NIPA2: variants seen among roughly 807,000 people sequenced by gnomAD.
NIPA2 encodes magnesium transporter NIPA2.
In NIPA2, 11 loss-of-function variants were observed where a neutral mutation model predicts 29.7. That is an observed-to-expected ratio of 0.37 (90% CI 0.23 to 0.61). The LOEUF (loss-of-function observed/expected upper bound fraction) is 0.61, where lower values mean the gene tolerates loss of function less well. Ranked by LOEUF, NIPA2 falls within the 20% of genes least tolerant of loss-of-function variation. NIPA2 has a pLI of 0.66. For missense variants in NIPA2, 426 were observed against 437.9 expected (o/e 0.97, Z 0.24); for synonymous variants, 183 against 161.9 (o/e 1.13, Z -0.99).
At chr15:22,841,729 G>A (rs1323697409) in intron 2 of NIPA2, among the ~76,000 whole-genome samples, 3 of 152,016 alleles carry the variant, frequency 2.0e-5, no homozygotes, top group East Asian at 3.9e-4. Context: ...GGCTGGTCTC[G>A]AACTCCTGAC....
chr15:22,863,410 C>A (rs1022087036), intron 7 of NIPA2, among the ~76,000 whole-genome samples: 1 of 152,098 alleles, frequency 6.6e-6, no homozygotes, highest in African/African-American at 2.4e-5. Flanking sequence ...TTATTCATAG[C>A]CCTTTGGCTC....
intron 3 of NIPA2, among the ~76,000 whole-genome samples, chr15:22,851,292 G>A (rs2057720582): frequency 6.6e-6 from 1 of 152,134 alleles, no homozygotes; most frequent in African/African-American, 2.4e-5. Flanking sequence ...TTGAGAACCT[G>A]ATAAATGTAT....
In NIPA2 at chr15:22,868,184, G is replaced by C. The variant is rs1016428807; in HGVS notation, c.*1337G>C. On this transcript the variant is annotated 3_prime_UTR_variant, in exon 8 of 8. Transcript: ENST00000337451. ...TCCCTTTTTTCCAACTTTATTATTG[G>C]CCTTCTAAGGAGCTGTTTTAGATGT... is the stretch of plus-strand genomic sequence containing the variant. The C allele has an allele frequency of 6.6e-6, 1 of 152,176 alleles. No homozygotes were observed. The highest frequency in any genetic ancestry group is 1.5e-5 in the Non-Finnish European group (1 of 68,044). The allele number at this position is 152,176 out of a possible 1,614,324, so 9.4% of individuals were successfully genotyped here.
intron 3 of NIPA2, among the ~76,000 whole-genome samples, chr15:22,847,073 T>C (rs1378298785): frequency 6.6e-6 from 1 of 151,462 alleles, no homozygotes; most frequent in Non-Finnish European, 1.5e-5. Context: ...CCTGCTAATT[T>C]TTTTGTATTT....
At position 22,866,325 on chromosome 15, in the gene NIPA2, A is replaced by G. The variant is rs747725802; in HGVS notation, c.561A>G (p.Val187=). The change falls in exon 8 of 8, where the codon GTA becomes GTG. Residue 187 remains valine, a synonymous_variant. Coordinates refer to ENST00000337451, the MANE Select transcript of NIPA2 (RefSeq NM_030922.7). The part of the protein sequence containing the change: ...NILVYITICS[V]IGAFSVSCVK... ...TTGTGTACATAACAATCTGCTCTGT[A>G]ATCGGCGCGTTTTCAGTCTCCTGTG... 1.2e-6 allele frequency: 2 copies of G among 1,614,050 alleles called. No individual in the cohort carries two copies. The highest frequency in any genetic ancestry group is 2.2e-5 in the East Asian group (1 of 44,880).
chr15:22,854,970 AGAG>A (rs1392087719), intron 5 of NIPA2, among the ~76,000 whole-genome samples: 2 of 152,170 alleles, frequency 1.3e-5, no homozygotes, highest in Admixed American at 6.5e-5. Context: ...TTGAAAGTTA[AGAG>A]GAGAATTCTG....
In NIPA2 at chr15:22,860,664, T is replaced by G; in HGVS notation, c.323T>G (p.Leu108Arg). 6.3e-7 allele frequency: 1 copy of G among 1,595,236 alleles called. No homozygotes were observed. Among genetic ancestry groups the G allele is most frequent in the South Asian group, 1.2e-5 (1 of 86,086 alleles). ...ILSSYFLNER[L>R]NLHGKIGCLL... ...TCTTCATACTTTCTCAATGAAAGAC[T>G]TAATCTTCATGGGAAAATTGGGTGT... Residue 108 changes from leucine to arginine, a missense_variant, in exon 7 of 8, where the codon CTT becomes CGT. This residue lies in a region of NIPA2 where 357 missense variants were observed against 339.8 expected (regional missense o/e 1.05). Coordinates refer to ENST00000337451, the MANE Select transcript of NIPA2 (RefSeq NM_030922.7).
At position 22,866,756 on chromosome 15, in the gene NIPA2, T is replaced by TTAA. The variant is rs749723731; in HGVS notation, c.1000_1002dup (p.Asn334dup). On this transcript the variant is annotated inframe_insertion, in exon 8 of 8. Coordinates refer to ENST00000337451, the MANE Select transcript of NIPA2 (RefSeq NM_030922.7). ...AATCTCTCTAATATGTATGAAGTTC[T>TTAA]TAATAATAATGAAGAAAGCTTAACC... 46 of 1,613,718 alleles carry TTAA rather than the reference T, an allele frequency of 2.9e-5. No homozygotes were observed. In the African/African-American group the frequency reaches 5.9e-4, roughly 21 times the overall value.
chr15:22,857,227 TC>T lies in NIPA2; in HGVS notation c.197-1312del, dbSNP rs997256010. Among the ~76,000 whole-genome samples the T allele has an allele frequency of 1.4e-4, 21 of 151,762 alleles. 1 individual carries two copies. The highest frequency in any genetic ancestry group is 9.8e-4 in the Admixed American group (15 of 15,244). ...GGGTGGATCACCTTAGGTCAGGAGT[TC>T]AAGACCAGCCTGACCAACATGGTGA... On this transcript the variant is annotated intron_variant, in intron 5 of 7. Transcript: ENST00000337451.
rs922831495 is a variant in NIPA2, at chr15:22,866,953, A to AATCT, written c.*107_*110dup. ...TCCTCAAATAATGTTCTTTAAAGGCAATCTTTTTAAAGATTTCACTAATTT... is the reference window on the plus strand; with the variant it reads ...TCCTCAAATAATGTTCTTTAAAGGCAATCTATCTTTTTAAAGATTTCACTAATTT... On this transcript the variant is annotated 3_prime_UTR_variant, in exon 8 of 8. Transcript: ENST00000337451. 3.2e-5 allele frequency: 35 copies of AATCT among 1,105,596 alleles called. No individual in the cohort carries two copies. The highest frequency in any genetic ancestry group is 2.0e-4 in the African/African-American group (13 of 63,996). The allele number at this position is 1,105,596 out of a possible 1,614,324, so 68.5% of individuals were successfully genotyped here. A position where few individuals can be genotyped will look rare whatever the true frequency, so the allele number is the denominator to read the frequency against.
At position 22,841,934 on chromosome 15, in the gene NIPA2, T is replaced by C. The variant is rs577181694; in HGVS notation, c.-216+2144T>C. Among the ~76,000 whole-genome samples the C allele has an allele frequency of 3.3e-4, 50 of 152,258 alleles. 2 individuals are homozygous for C. In the South Asian group the frequency reaches 9.3e-3, roughly 28 times the overall value. The stretch of plus-strand genomic sequence containing the variant: ...CCCCTGCACTTGCTTCTCTCTCCTT[T>C]GTTCTTTTCAAAAAGCTCTTTGAAG... On this transcript the variant is annotated intron_variant, in intron 2 of 7. Coordinates refer to ENST00000337451, the MANE Select transcript of NIPA2 (RefSeq NM_030922.7).
In NIPA2 at chr15:22,865,759, C is replaced by T. The variant is rs11852782; in HGVS notation, c.449-454C>T. Reference sequence around the variant, plus strand: ...AGTTCTCCAGTTGACTTGCTCGTTACTCCAGCAGTTGTCCACAAATTTTAA... The same window carrying T: ...AGTTCTCCAGTTGACTTGCTCGTTATTCCAGCAGTTGTCCACAAATTTTAA... On this transcript the variant is annotated intron_variant, in intron 7 of 7. Coordinates refer to ENST00000337451, the MANE Select transcript of NIPA2 (RefSeq NM_030922.7). Among the ~76,000 whole-genome samples the T allele has an allele frequency of 9.4e-3, 1,428 of 151,866 alleles. 24 individuals carry two copies. The highest frequency in any genetic ancestry group is 0.032 in the African/African-American group (1,343 of 41,448).
rs532027975 is a variant in NIPA2 at position 22,867,910 on chromosome 15, A to G, written c.*1063A>G. 1 of 152,348 alleles carries G rather than the reference A, an allele frequency of 6.6e-6. No homozygotes were observed. Among genetic ancestry groups the G allele is most frequent in the East Asian group, 1.9e-4 (1 of 5,190 alleles). The allele number at this position is 152,348 out of a possible 1,614,324, so 9.4% of individuals were successfully genotyped here. On this transcript the variant is annotated 3_prime_UTR_variant, in exon 8 of 8. Coordinates refer to ENST00000337451, the MANE Select transcript of NIPA2 (RefSeq NM_030922.7). Reference sequence around the variant, plus strand: ...TATGCAGAAAAGGTAGAATAATAAAAAAGGTCTAATGAACTCCATTCAGCT... The same window carrying G: ...TATGCAGAAAAGGTAGAATAATAAAGAAGGTCTAATGAACTCCATTCAGCT...
intron 3 of NIPA2, among the ~76,000 whole-genome samples, chr15:22,850,805 G>A (rs1271067795): frequency 6.6e-6 from 1 of 152,168 alleles, no homozygotes; most frequent in Non-Finnish European, 1.5e-5. Context: ...TTGCAGATTA[G>A]TTTTGGAACT....
intron 3 of NIPA2, among the ~76,000 whole-genome samples, chr15:22,850,536 C>T (rs532210992): frequency 6.6e-6 from 1 of 152,274 alleles, no homozygotes; most frequent in African/African-American, 2.4e-5. Context: ...GTGATAATGT[C>T]GTGTTTACCA....
rs2059211067 is a variant in NIPA2 at position 22,867,709 on chromosome 15, A to C, written c.*862A>C. On this transcript the variant is annotated 3_prime_UTR_variant, in exon 8 of 8. Coordinates refer to ENST00000337451, the MANE Select transcript of NIPA2 (RefSeq NM_030922.7). ...TAAATTTAGCTCATGTTATAATAAA[A>C]AGTTGAAATGAAGTTCTTATTCTAA... 1 of 152,280 alleles carries C rather than the reference A, an allele frequency of 6.6e-6. No homozygotes were observed. The highest frequency in any genetic ancestry group is 1.5e-5 in the Non-Finnish European group (1 of 68,128). 9.4% of individuals were successfully genotyped at this position (152,280 alleles called of 1,614,324 possible).
intron 2 of NIPA2, among the ~76,000 whole-genome samples, chr15:22,844,348 C>T (rs1241672247): frequency 1.3e-5 from 2 of 152,030 alleles, no homozygotes; most frequent in East Asian, 3.9e-4. Context: ...ATCACAAAGT[C>T]AGGAGTTCGA....
At chr15:22,840,556 C>T (rs921493694) in intron 2 of NIPA2, among the ~76,000 whole-genome samples, 2 of 151,984 alleles carry the variant, frequency 1.3e-5, no homozygotes, top group Non-Finnish European at 1.5e-5. Flanking sequence ...CGCCTCGACC[C>T]CCCAAAGTGC....
chr15:22,843,207 A>G (rs572108587), intron 2 of NIPA2, among the ~76,000 whole-genome samples: 3 of 152,016 alleles, frequency 2.0e-5, no homozygotes, highest in Non-Finnish European at 4.4e-5. Flanking sequence ...CGTGTTACTT[A>G]ACATCTCTGG....
Sources: gnomAD v4.1 joint callset for allele counts (sites outside exome capture counted in the v4.1 genomes callset) on GRCh38, gnomAD v4.1.1 for gene constraint, gnomAD v4.1.1 regional missense constraint, MANE v1.5 for transcripts, NCBI Gene and HGNC (gene_info 2026-07-23, HGNC 2026-07-21) for gene names.